Variants in KLHL5 observed in about 807,000 individuals in gnomAD.
KLHL5 encodes the protein kelch-like protein 5.
In KLHL5, 48 loss-of-function variants were observed where a neutral mutation model predicts 77.7. The observed-to-expected ratio is 0.62, with a 90% CI of 0.49 to 0.79. The LOEUF (loss-of-function observed/expected upper bound fraction) is 0.79, where lower values mean the gene tolerates loss of function less well. Ranked by LOEUF, KLHL5 falls within the 30% of genes least tolerant of loss-of-function variation. KLHL5 has a pLI of 0.00. For missense variants in KLHL5, 723 were observed against 859.7 expected, an observed-to-expected ratio of 0.84 and a Z score of 1.99; for synonymous variants, 260 against 297.0, an observed-to-expected ratio of 0.88 and a Z score of 1.28.
intron 2 of KLHL5, among the ~76,000 whole-genome samples, chr4:39,079,371 C>T (rs1047983490): frequency 3.3e-5 from 5 of 152,172 alleles, no homozygotes; most frequent in African/African-American, 1.2e-4. Flanking sequence ...ACGATCCAGC[C>T]TGCCGTATCT....
chr4:39,044,889 C>T (rs2110092767), upstream of KLHL5: 1 of 968,326 alleles, frequency 1.0e-6, no homozygotes, highest in South Asian at 4.8e-5. Context: ...GACTCTGACC[C>T]CCCGGCCTGG....
At chr4:39,103,582 G>A in intron 7 of KLHL5, 71 bp downstream of exon 7, 1 of 1,264,944 alleles carries the variant, frequency 7.9e-7, no homozygotes, top group Non-Finnish European at 1.1e-6. Flanking sequence ...TCTGAACCAG[G>A]CAGAGGACCC....
intron 1 of KLHL5, among the ~76,000 whole-genome samples, chr4:39,047,763 T>C (rs995142802): frequency 3.1e-4 from 47 of 152,330 alleles, no homozygotes; most frequent in Admixed American, 4.6e-4. Context: ...TGGATGTAAA[T>C]ATGGGATTGA....
intron 1 of KLHL5, chr4:39,045,224 C>T (rs1459553269): frequency 5.3e-6 from 5 of 951,782 alleles, no homozygotes; most frequent in African/African-American, 1.8e-5. Flanking sequence ...GACGCTGCCC[C>T]TCCCGGAGGC....
chr4:39,064,391 G>T (rs565208271), intron 1 of KLHL5, among the ~76,000 whole-genome samples: 1 of 152,086 alleles, frequency 6.6e-6, no homozygotes, highest in South Asian at 2.1e-4. Context: ...TTGGAGACTT[G>T]TTGCCATAAA....
chr4:39,047,937 C>G (rs1716321358), intron 1 of KLHL5, among the ~76,000 whole-genome samples: 1 of 152,148 alleles, frequency 6.6e-6, no homozygotes, highest in Admixed American at 6.5e-5. Context: ...AGGGTTGTTT[C>G]CAGCCGGTTG....
At chr4:39,094,034 A>G (rs1274685240) in intron 5 of KLHL5, among the ~76,000 whole-genome samples, 1 of 152,196 alleles carries the variant, frequency 6.6e-6, no homozygotes. Context: ...AACCAGAAAC[A>G]AGATACTCTG....
At chr4:39,114,920 A>G (rs1183027564) in intron 9 of KLHL5, among the ~76,000 whole-genome samples, 1 of 152,240 alleles carries the variant, frequency 6.6e-6, no homozygotes, top group Non-Finnish European at 1.5e-5. Context: ...GTCTGAAAGC[A>G]GTCTTCAGTA....
chr4:39,139,700 A>T, the KLHL5 span, among the ~76,000 whole-genome samples: 4 of 152,202 alleles, frequency 2.6e-5, no homozygotes, highest in African/African-American at 9.7e-5. Context: ...TAAAAAACAA[A>T]ATCTATTTCT....
At chr4:39,130,831 A>G (rs544876995), downstream of KLHL5, among the ~76,000 whole-genome samples, 15 of 151,732 alleles carry the variant, frequency 9.9e-5, no homozygotes, top group Non-Finnish European at 1.8e-4. Context: ...TAATTATGAG[A>G]TTACAAATAA....
upstream of KLHL5, among the ~76,000 whole-genome samples, chr4:39,058,616 C>CA (rs1717163357): frequency 6.6e-6 from 1 of 151,616 alleles, no homozygotes; most frequent in South Asian, 2.1e-4. Context: ...TACCCTGTCT[C>CA]AAAAAATATA....
intron 5 of KLHL5, among the ~76,000 whole-genome samples, chr4:39,095,619 A>G (rs2465246): frequency 0.079 from 11,965 of 151,810 alleles, 1,578 homozygotes; most frequent in African/African-American, 0.27. Context: ...ATATACATAT[A>G]TATACATATG....
Position 39,062,928 on chromosome 4 carries a change from A to G in KLHL5, c.276A>G (p.Ala92=), listed in dbSNP as rs1488080550. Residue 92 remains alanine (A), a synonymous_variant, in exon 1 of 11, where the codon GCA becomes GCG. Transcript: ENST00000504108. ...WPMASTSEVP[A]FEFTAEDCGG... is the part of the protein sequence containing the mutation. ...TGGCATCCACCTCTGAAGTCCCTGC[A>G]TTTGAGTTTACAGCAGAAGATTGTG... 1 of 1,614,162 alleles carries G rather than the reference A, an allele frequency of 6.2e-7. No homozygotes were observed. Among genetic ancestry groups the G allele is most frequent in the African/African-American group, 1.3e-5 (1 of 75,040 alleles).
upstream of KLHL5, among the ~76,000 whole-genome samples, chr4:39,061,185 A>G (rs1367301): frequency 0.77 from 116,878 of 152,094 alleles, 44,928 homozygotes; most frequent in East Asian, 0.82. Flanking sequence ...GCATGAAATC[A>G]TACTTGGCTT....
the KLHL5 span, among the ~76,000 whole-genome samples, chr4:39,132,636 A>G: frequency 6.6e-6 from 1 of 152,110 alleles, no homozygotes; most frequent in African/African-American, 2.4e-5. Flanking sequence ...AAGGAAAAGA[A>G]AACTCTAGGC....
chr4:39,065,557 T>C (rs1178176033), intron 1 of KLHL5, among the ~76,000 whole-genome samples: 2 of 152,146 alleles, frequency 1.3e-5, no homozygotes, highest in Non-Finnish European at 2.9e-5. Context: ...TTTCACCATG[T>C]TGGCCAGGCT....
chr4:39,115,741 G>A (rs1722789598), intron 10 of KLHL5: 1 of 1,120,436 alleles, frequency 8.9e-7, no homozygotes. Flanking sequence ...TGATATCTGG[G>A]AGCAGATTAA....
At chr4:39,114,484 A>T (rs1324499234) in intron 9 of KLHL5, among the ~76,000 whole-genome samples, 1 of 152,220 alleles carries the variant, frequency 6.6e-6, no homozygotes, top group Non-Finnish European at 1.5e-5. Flanking sequence ...TTTGGTGGGG[A>T]TGAACCACAT....
At chr4:39,100,355 A>G (rs1721433611) in intron 6 of KLHL5, among the ~76,000 whole-genome samples, 2 of 152,182 alleles carry the variant, frequency 1.3e-5, no homozygotes, top group Admixed American at 6.5e-5. Flanking sequence ...AATGGGCCTT[A>G]TATCTAATTC....
Sources: allele counts gnomAD v4.1 joint callset (sites outside exome capture counted in the v4.1 genomes callset), GRCh38; gene constraint gnomAD v4.1.1; transcripts MANE v1.5; gene names NCBI Gene and HGNC (gene_info 2026-07-23, HGNC 2026-07-21).